Variants in FLRT2 observed in about 807,000 individuals in gnomAD.
FLRT2 encodes the protein fibronectin leucine rich transmembrane protein 2.
In FLRT2, 15 loss-of-function variants were observed where a neutral mutation model predicts 40.0. The observed-to-expected ratio is 0.38, with a 90% CI of 0.25 to 0.58. The LOEUF (loss-of-function observed/expected upper bound fraction) is 0.58, where lower values mean the gene tolerates loss of function less well. FLRT2 is among the 20% of genes least tolerant of loss of function. The pLI is 0.71. For synonymous variants in FLRT2, 380 were observed against 336.8 expected (o/e 1.13, Z -1.41); for missense variants, 726 against 840.0 (o/e 0.86, Z 1.68).
intron 1 of FLRT2, among the ~76,000 whole-genome samples, chr14:85,570,360 C>CT (rs1421407360): frequency 6.6e-6 from 1 of 152,096 alleles, no homozygotes; most frequent in Non-Finnish European, 1.5e-5. Context: ...AATTCATAGT[C>CT]TTACTTTCTT....
intron 1 of FLRT2, among the ~76,000 whole-genome samples, chr14:85,576,110 G>A (rs555092386): frequency 5.7e-4 from 87 of 152,206 alleles, no homozygotes; most frequent in Non-Finnish European, 9.7e-4. Context: ...CTACTTTGGA[G>A]CTCACCACGA....
At chr14:85,572,826 T>C (rs547847184) in intron 1 of FLRT2, among the ~76,000 whole-genome samples, 125 of 152,284 alleles carry the variant, frequency 8.2e-4, no homozygotes, top group African/African-American at 2.9e-3. Context: ...CTGTTATTTA[T>C]ATTTTACAGA....
chr14:85,590,595 T>A (rs1891837430), intron 1 of FLRT2, among the ~76,000 whole-genome samples: 1 of 152,072 alleles, frequency 6.6e-6, no homozygotes, highest in Admixed American at 6.6e-5. Flanking sequence ...TTTATTTTAT[T>A]TTTATTTTTA....
Position 85,643,729 on chromosome 14 carries a change from A to T in FLRT2, c.*20232A>T, listed in dbSNP as rs187640434. ...CTTTAAGGCATTTATTAATGCATTG[A>T]TGAGGACTCTCCTCTTTTAGATAGA... On this transcript the variant is annotated 3_prime_UTR_variant, in exon 2 of 2. Transcript: ENST00000330753. 3 of 152,078 alleles carry T rather than the reference A, an allele frequency of 2.0e-5. No homozygotes were observed. The highest frequency in any genetic ancestry group is 6.6e-5 in the Admixed American group (1 of 15,258). 9.4% of individuals were successfully genotyped at this position (152,078 alleles called of 1,614,324 possible).
rs1235966172 is a variant in FLRT2 at position 85,640,940 on chromosome 14, G to A, written c.*17443G>A. The A allele has an allele frequency of 4.6e-5, 7 of 152,140 alleles. No homozygotes were observed. Among genetic ancestry groups the A allele is most frequent in the African/African-American group, 1.7e-4 (7 of 41,420 alleles). The allele number at this position is 152,140 out of a possible 1,614,324, so 9.4% of individuals were successfully genotyped here. A position where few individuals can be genotyped will look rare whatever the true frequency, so the allele number is the denominator to read the frequency against. ...TCTGGCCTTTCTTCCCCGTGACCTT[G>A]GGCAAGTTGCTTAAACTGTAGCCAT... On this transcript the variant is annotated 3_prime_UTR_variant, in exon 2 of 2. Coordinates refer to ENST00000330753, the MANE Select transcript of FLRT2 (RefSeq NM_013231.6).
rs1277991047 is a variant in FLRT2, at chr14:85,646,447, A to C, written c.*22950A>C. 1 of 152,176 alleles carries C rather than the reference A, an allele frequency of 6.6e-6. No homozygotes were observed. Among genetic ancestry groups the C allele is most frequent in the Non-Finnish European group, 1.5e-5 (1 of 68,058 alleles). 9.4% of individuals were successfully genotyped at this position (152,176 alleles called of 1,614,324 possible). ...CTGAAGTCAGATGACTTATGAATCA[A>C]TTTAAAACAAATCATGAGAAGGAAG... On this transcript the variant is annotated 3_prime_UTR_variant, in exon 2 of 2. Coordinates refer to ENST00000330753, the MANE Select transcript of FLRT2 (RefSeq NM_013231.6).
intron 1 of FLRT2, among the ~76,000 whole-genome samples, chr14:85,550,045 A>G (rs1889519904): frequency 6.6e-6 from 1 of 152,156 alleles, no homozygotes; most frequent in African/African-American, 2.4e-5. Flanking sequence ...TGGGAAAAAA[A>G]AAAAAGAAAT....
rs1297544805 is a variant in FLRT2, at chr14:85,642,132, C to CGAA, written c.*18635_*18636insGAA. 7.8e-6 allele frequency: 1 copy of CGAA among 128,796 alleles called. No homozygotes were observed. Among genetic ancestry groups the CGAA allele is most frequent in the Non-Finnish European group, 1.6e-5 (1 of 62,278 alleles). 8.0% of individuals were successfully genotyped at this position (128,796 alleles called of 1,614,324 possible). On this transcript the variant is annotated 3_prime_UTR_variant, in exon 2 of 2. Transcript: ENST00000330753. ...CTTACAGTTTCAAGGTTGCTGTTGA[C>CGAA]AAAAAAAAAAAAAAAGAAAGAAAGA...
At chr14:85,572,688 G>C (rs1211424084) in intron 1 of FLRT2, among the ~76,000 whole-genome samples, 2 of 152,058 alleles carry the variant, frequency 1.3e-5, no homozygotes, top group African/African-American at 4.8e-5. Flanking sequence ...TGACCCACTG[G>C]GTCCACAGAA....
rs530560018 is a variant in FLRT2 at position 85,625,510 on chromosome 14, T to C, written c.*2013T>C. ...ATGTCGTAGACACAAGAATTGAAACTGTGCAGTCAGTAGAGCTGAACTTAG... is the reference window on the plus strand; with the variant it reads ...ATGTCGTAGACACAAGAATTGAAACCGTGCAGTCAGTAGAGCTGAACTTAG... On this transcript the variant is annotated 3_prime_UTR_variant, in exon 2 of 2. Transcript: ENST00000330753. 2 of 167,160 alleles carry C rather than the reference T, an allele frequency of 1.2e-5. No homozygotes were observed. Among genetic ancestry groups the C allele is most frequent in the Non-Finnish European group, 2.9e-5 (2 of 68,128 alleles). 10.4% of individuals were successfully genotyped at this position (167,160 alleles called of 1,614,324 possible).
Position 85,643,350 on chromosome 14 carries a change from TC to T in FLRT2, c.*19854del, listed in dbSNP as rs1894208846. The T allele has an allele frequency of 2.3e-5, 1 of 42,770 alleles. No individual in the cohort carries two copies. The highest frequency in any genetic ancestry group is 7.1e-5 in the African/African-American group (1 of 14,008). 2.6% of individuals were successfully genotyped at this position (42,770 alleles called of 1,614,324 possible). ...TTCTTTCTTTCTTTCTTTCTTTCTTTCTTTCTTCCTTCCTTCCTTCCTTCCT... is the reference window on the plus strand; with the variant it reads ...TTCTTTCTTTCTTTCTTTCTTTCTTTTTTCTTCCTTCCTTCCTTCCTTCCT... On this transcript the variant is annotated 3_prime_UTR_variant, in exon 2 of 2. Coordinates refer to ENST00000330753, the MANE Select transcript of FLRT2 (RefSeq NM_013231.6).
At chr14:85,581,705 G>T (rs992656735) in intron 1 of FLRT2, among the ~76,000 whole-genome samples, 2 of 152,132 alleles carry the variant, frequency 1.3e-5, no homozygotes, top group Non-Finnish European at 2.9e-5. Context: ...TATAGAAATG[G>T]ATTGTATATA....
In FLRT2 at chr14:85,623,092, G is replaced by A. The variant is rs373289735; in HGVS notation, c.1578G>A (p.Ala526=). 9.3e-6 allele frequency: 15 copies of A among 1,614,000 alleles called. No individual in the cohort carries two copies. The highest frequency in any genetic ancestry group is 4.4e-5 in the South Asian group (4 of 91,070). ...ATCTGAACAACGGCAGCAACACAGC[G>A]TCCAGCCATGAGCAGACGACGTCCC... The part of the protein sequence containing the change: ...ASYLNNGSNT[A]SSHEQTTSHS... The change falls in exon 2 of 2, where the codon GCG becomes GCA. Residue 526 remains alanine (A), a synonymous_variant. Coordinates refer to ENST00000330753, the MANE Select transcript of FLRT2 (RefSeq NM_013231.6).
At chr14:85,609,728 G>A (rs1892777417) in intron 1 of FLRT2, among the ~76,000 whole-genome samples, 1 of 152,188 alleles carries the variant, frequency 6.6e-6, no homozygotes, top group Non-Finnish European at 1.5e-5. Flanking sequence ...ATGAGCTGGG[G>A]GAGCAGCCCC....
rs533108931 is a variant in FLRT2, at chr14:85,636,099, C to A, written c.*12602C>A. The A allele has an allele frequency of 7.2e-5, 11 of 152,034 alleles. No homozygotes were observed. In the South Asian group the frequency reaches 2.3e-3, roughly 31 times the overall value. The allele number at this position is 152,034 out of a possible 1,614,324, so 9.4% of individuals were successfully genotyped here. A position where few individuals can be genotyped will look rare whatever the true frequency, so the allele number is the denominator to read the frequency against. On this transcript the variant is annotated 3_prime_UTR_variant, in exon 2 of 2. Coordinates refer to ENST00000330753, the MANE Select transcript of FLRT2 (RefSeq NM_013231.6). ...CTTTCATAAGCTGTTATTTATGCTT[C>A]TCATTAATTAGTTCTTTGTTATGAA...
chr14:85,628,202 C>T lies in FLRT2; in HGVS notation c.*4705C>T, dbSNP rs1316213910. 1 of 152,176 alleles carries T rather than the reference C, an allele frequency of 6.6e-6. No individual in the cohort carries two copies. Among genetic ancestry groups the T allele is most frequent in the African/African-American group, 2.4e-5 (1 of 41,436 alleles). The allele number at this position is 152,176 out of a possible 1,614,324, so 9.4% of individuals were successfully genotyped here. On this transcript the variant is annotated 3_prime_UTR_variant, in exon 2 of 2. Transcript: ENST00000330753. ...CATACACAGAGCATCTTATTTTATA[C>T]TGGTGAAATCTATGTTGTTTAGGAT...
intron 1 of FLRT2, among the ~76,000 whole-genome samples, chr14:85,557,365 C>T (rs1488565559): frequency 6.6e-6 from 1 of 151,718 alleles, no homozygotes; most frequent in Non-Finnish European, 1.5e-5. Flanking sequence ...CCGCACCTAA[C>T]CGAGTATTGA....
At chr14:85,620,866 A>G (rs531279988) in intron 1 of FLRT2, among the ~76,000 whole-genome samples, 69 of 150,698 alleles carry the variant, frequency 4.6e-4, no homozygotes, top group African/African-American at 1.6e-3. Flanking sequence ...AGAATAGATA[A>G]AAGAGAAGGT....
chr14:85,534,703 G>A (rs1266490178), intron 1 of FLRT2, among the ~76,000 whole-genome samples: 1 of 152,072 alleles, frequency 6.6e-6, no homozygotes, highest in African/African-American at 2.4e-5. Context: ...TCCTAAGGTA[G>A]TGAGTGGCCG....
Sources: gnomAD v4.1 joint callset for allele counts (sites outside exome capture counted in the v4.1 genomes callset) on GRCh38, gnomAD v4.1.1 for gene constraint, MANE v1.5 for transcripts, NCBI Gene and HGNC (gene_info 2026-07-23, HGNC 2026-07-21) for gene names.